Variants in TRPC7 observed in about 807,000 individuals in gnomAD.
TRPC7 encodes short transient receptor potential channel 7.
A neutral mutation model predicts 90.1 loss-of-function variants in TRPC7; 42 were observed. The observed-to-expected ratio is 0.47, with a 90% CI of 0.36 to 0.60. TRPC7 has a LOEUF of 0.60. Ranked by LOEUF, TRPC7 falls within the 20% of genes least tolerant of loss-of-function variation. The pLI, the probability that TRPC7 is intolerant of heterozygous loss-of-function variation, is 0.00. For missense variants in TRPC7, 955 were observed against 1,112.3 expected, an observed-to-expected ratio of 0.86 and a Z score of 2.01; for synonymous variants, 451 against 436.3, an observed-to-expected ratio of 1.03 and a Z score of -0.42.
chr5:136,318,911 A>C (rs1404770162), intron 2 of TRPC7, among the ~76,000 whole-genome samples: 1 of 152,042 alleles, frequency 6.6e-6, no homozygotes, highest in African/African-American at 2.4e-5. Flanking sequence ...TGGTCAATGA[A>C]ATGGTCTCTT....
chr5:136,351,608 T>G (rs1229854209), intron 2 of TRPC7, among the ~76,000 whole-genome samples: 1 of 152,224 alleles, frequency 6.6e-6, no homozygotes, highest in Non-Finnish European at 1.5e-5. Context: ...AGAGGTTAGA[T>G]GTGCTCTGAG....
At chr5:136,289,201 A>G (rs1417780713) in intron 3 of TRPC7, among the ~76,000 whole-genome samples, 1 of 152,218 alleles carries the variant, frequency 6.6e-6, no homozygotes, top group African/African-American at 2.4e-5. Flanking sequence ...CCGAATAGGA[A>G]CAGCTCCAGT....
At chr5:136,214,485 A>G (rs1177171751) in intron 11 of TRPC7, 2 of 152,218 alleles carry the variant, frequency 1.3e-5, no homozygotes, top group African/African-American at 4.8e-5. Flanking sequence ...ATTTTGACAA[A>G]TGGATACACC....
chr5:136,332,066 T>G (rs1759518954), intron 2 of TRPC7, among the ~76,000 whole-genome samples: 1 of 152,170 alleles, frequency 6.6e-6, no homozygotes, highest in Non-Finnish European at 1.5e-5. Context: ...AGTGCTATTT[T>G]ATATAGATGT....
At chr5:136,302,748 A>G (rs1203855469) in intron 3 of TRPC7, among the ~76,000 whole-genome samples, 1 of 152,214 alleles carries the variant, frequency 6.6e-6, no homozygotes, top group African/African-American at 2.4e-5. Flanking sequence ...TTTCCATCCT[A>G]CAAGAACTAA....
At chr5:136,242,605 C>T (rs146054868) in intron 7 of TRPC7, among the ~76,000 whole-genome samples, 4 of 152,184 alleles carry the variant, frequency 2.6e-5, no homozygotes, top group Non-Finnish European at 4.4e-5. Context: ...AAGATATTCA[C>T]TTAAGTTAAC....
At chr5:136,317,463 C>G (rs1406743105) in intron 2 of TRPC7, among the ~76,000 whole-genome samples, 2 of 152,118 alleles carry the variant, frequency 1.3e-5, no homozygotes, top group East Asian at 3.9e-4. Flanking sequence ...GAAACTTGCT[C>G]AGATCTTTTC....
At chr5:136,245,078 C>T (rs1227773465) in intron 7 of TRPC7, among the ~76,000 whole-genome samples, 1 of 152,184 alleles carries the variant, frequency 6.6e-6, no homozygotes, top group Non-Finnish European at 1.5e-5. Context: ...AGTTGGCTCT[C>T]TTAGTATTCT....
intron 3 of TRPC7, among the ~76,000 whole-genome samples, chr5:136,292,499 G>T (rs1347527684): frequency 1.3e-5 from 2 of 152,192 alleles, no homozygotes; most frequent in Non-Finnish European, 2.9e-5. Context: ...ACTACCATCA[G>T]AGAATACTAT....
In TRPC7 at chr5:136,320,120, C is replaced by T. The variant is rs116122757; in HGVS notation, c.781-4341G>A. ...AATTAACTCTGGATCTAGTCTCCTA[C>T]CTTATTTAGTATTCCCTATTCTTTC... On this transcript the variant is annotated intron_variant, in intron 2 of 11. Coordinates refer to ENST00000513104, the MANE Select transcript of TRPC7 (RefSeq NM_020389.3). 4.0e-3 allele frequency among the ~76,000 whole-genome samples: 614 copies of T among 151,986 alleles called. 4 individuals carry two copies. Among genetic ancestry groups the T allele is most frequent in the African/African-American group, 0.014 (589 of 41,408 alleles).
intron 8 of TRPC7, among the ~76,000 whole-genome samples, chr5:136,229,401 G>A (rs1755747957): frequency 6.6e-6 from 1 of 152,010 alleles, no homozygotes; most frequent in African/African-American, 2.4e-5. Flanking sequence ...TTTTGGGGAG[G>A]GTATCATAGA....
intron 3 of TRPC7, among the ~76,000 whole-genome samples, chr5:136,303,102 C>T (rs1368943808): frequency 2.0e-5 from 3 of 152,166 alleles, no homozygotes; most frequent in Non-Finnish European, 2.9e-5. Flanking sequence ...CCCCCACCTG[C>T]CCAGCAATTT....
Position 136,315,661 on chromosome 5 carries a change from C to A in TRPC7, c.899G>T (p.Trp300Leu), listed in dbSNP as rs1758993183. ...ILNGDVNFQVWSDHHRPSLSR... is the reference protein window; with the variant it reads ...ILNGDVNFQVLSDHHRPSLSR... Reference sequence around the variant, plus strand: ...CAGACTTGGACGGTGGTGGTCGGACCAGACTTGGAAGTTCACATCACCGTT... The same window carrying A: ...CAGACTTGGACGGTGGTGGTCGGACAAGACTTGGAAGTTCACATCACCGTT... Residue 300 changes from tryptophan to leucine, a missense_variant, in exon 3 of 12, where the codon TGG becomes TTG. Physicochemically the swap from Trp to Leu is moderately conservative, Grantham distance 61. Coordinates refer to ENST00000513104, the MANE Select transcript of TRPC7 (RefSeq NM_020389.3). The A allele has an allele frequency of 6.2e-7, 1 of 1,613,772 alleles. No individual in the cohort carries two copies.
intron 3 of TRPC7, among the ~76,000 whole-genome samples, chr5:136,290,918 G>T (rs1757923030): frequency 6.6e-6 from 1 of 152,190 alleles, no homozygotes; most frequent in Non-Finnish European, 1.5e-5. Flanking sequence ...ACAAAGGAAA[G>T]CCCATCAGAC....
intron 1 of TRPC7, among the ~76,000 whole-genome samples, chr5:136,364,897 A>C (rs1230536424): frequency 6.6e-6 from 1 of 152,178 alleles, no homozygotes; most frequent in African/African-American, 2.4e-5. Flanking sequence ...TTATATTATG[A>C]TAAATACAAC....
intron 2 of TRPC7, among the ~76,000 whole-genome samples, chr5:136,317,754 T>C (rs1759066397): frequency 6.6e-6 from 1 of 152,220 alleles, no homozygotes. Flanking sequence ...TGATGGAAAC[T>C]CCTGCCTAGA....
intron 3 of TRPC7, among the ~76,000 whole-genome samples, chr5:136,276,311 G>C (rs893651050): frequency 6.6e-6 from 1 of 152,202 alleles, no homozygotes; most frequent in Non-Finnish European, 1.5e-5. Context: ...CTATGGACTA[G>C]AGAAGATAGA....
intron 10 of TRPC7, among the ~76,000 whole-genome samples, chr5:136,220,324 A>C (rs551218342): frequency 6.6e-6 from 1 of 152,186 alleles, no homozygotes; most frequent in Non-Finnish European, 1.5e-5. Context: ...ATGGACATGC[A>C]AGTAGGGAAG....
At chr5:136,313,908 C>G (rs1758923005) in intron 3 of TRPC7, among the ~76,000 whole-genome samples, 1 of 152,114 alleles carries the variant, frequency 6.6e-6, no homozygotes, top group South Asian at 2.1e-4. Flanking sequence ...TCATTCATCC[C>G]CAGGGCCATT....
Sources: gnomAD v4.1 joint callset for allele counts (sites outside exome capture counted in the v4.1 genomes callset) on GRCh38, gnomAD v4.1.1 for gene constraint, MANE v1.5 for transcripts, NCBI Gene and HGNC (gene_info 2026-07-23, HGNC 2026-07-21) for gene names.